ZBTB44: variants seen among roughly 807,000 people sequenced by gnomAD.
ZBTB44 encodes the protein zinc finger and BTB domain-containing protein 44.
A neutral mutation model predicts 54.0 loss-of-function variants in ZBTB44; 15 were observed. The ratio of observed to expected loss-of-function variants is 0.28; its 90% confidence interval spans 0.19 to 0.43. ZBTB44 has a LOEUF of 0.43. ZBTB44 is among the 20% of genes least tolerant of loss of function. The probability of loss-of-function intolerance (pLI) is 1.00; values close to 1 mark genes in which losing one functional copy is unlikely to be tolerated. For missense variants in ZBTB44, 487 were observed against 707.1 expected, an observed-to-expected ratio of 0.69 and a Z score of 3.53; for synonymous variants, 230 against 250.1, an observed-to-expected ratio of 0.92 and a Z score of 0.76.
At chr11:130,249,801 GC>G (rs1437408445) in intron 2 of ZBTB44, among the ~76,000 whole-genome samples, 1 of 152,190 alleles carries the variant, frequency 6.6e-6, no homozygotes, top group African/African-American at 2.4e-5. Context: ...CATCACTAGG[GC>G]CCCGGGTTTC....
At chr11:130,311,829 C>T (rs79121376) in intron 1 of ZBTB44, among the ~76,000 whole-genome samples, 9,525 of 152,138 alleles carry the variant, frequency 0.063, 740 homozygotes, top group African/African-American at 0.18. Flanking sequence ...TGGAGTAACT[C>T]GTGTCAGAAA....
chr11:130,233,620 T>C, intron 6 of ZBTB44: 1 of 1,274,464 alleles, frequency 7.8e-7, no homozygotes, highest in Non-Finnish European at 9.9e-7. Context: ...GTTTAGTAAT[T>C]AGTTTCTCAT....
intron 1 of ZBTB44, among the ~76,000 whole-genome samples, chr11:130,281,349 GTCTCCACAAAAAA>G (rs1254999014): frequency 3.3e-5 from 5 of 151,778 alleles, no homozygotes; most frequent in Admixed American, 6.6e-5. Flanking sequence ...GTGAGACCCT[GTCTCCACAAAAAA>G]TACAAAAATT....
In ZBTB44 at chr11:130,230,119, T is replaced by A. The variant is rs915054725; in HGVS notation, c.*1645A>T. 2.0e-5 allele frequency: 3 copies of A among 152,100 alleles called. No homozygotes were observed. Among genetic ancestry groups the A allele is most frequent in the African/African-American group, 7.2e-5 (3 of 41,458 alleles). 9.4% of individuals were successfully genotyped at this position (152,100 alleles called of 1,614,324 possible). The stretch of plus-strand genomic sequence containing the variant: ...AATTGCCACATTATACAGTAATGTA[T>A]TTTTCAAGGACTATTAAAGCTAAAA... On this transcript the variant is annotated 3_prime_UTR_variant, in exon 8 of 8. Coordinates refer to ENST00000357899, the MANE Select transcript of ZBTB44 (RefSeq NM_001301098.2).
At chr11:130,298,044 CAA>C (rs1941758336) in intron 1 of ZBTB44, among the ~76,000 whole-genome samples, 1 of 151,604 alleles carries the variant, frequency 6.6e-6, no homozygotes, top group African/African-American at 2.4e-5. Context: ...AGACTTAAGA[CAA>C]AGTATTATCA....
At chr11:130,300,786 C>T (rs1241463265) in intron 1 of ZBTB44, among the ~76,000 whole-genome samples, 2 of 151,982 alleles carry the variant, frequency 1.3e-5, no homozygotes, top group Non-Finnish European at 2.9e-5. Context: ...GAATTAGAAG[C>T]AAGATTGCCA....
chr11:130,292,042 C>T (rs1261157009), intron 1 of ZBTB44, among the ~76,000 whole-genome samples: 1 of 151,994 alleles, frequency 6.6e-6, no homozygotes, highest in Non-Finnish European at 1.5e-5. Flanking sequence ...TTTTTTCTGG[C>T]TTCTTTCATG....
rs1256499954 is a variant in ZBTB44 at position 130,229,141 on chromosome 11, A to T, written c.*2623T>A. ...CAATTTTTCAGATACTGCCAAACCGAGATACCAATAACATCTGAAATCTTT... is the reference window on the plus strand; with the variant it reads ...CAATTTTTCAGATACTGCCAAACCGTGATACCAATAACATCTGAAATCTTT... On this transcript the variant is annotated 3_prime_UTR_variant, in exon 8 of 8. Coordinates refer to ENST00000357899, the MANE Select transcript of ZBTB44 (RefSeq NM_001301098.2). The T allele has an allele frequency of 1.3e-5, 2 of 152,192 alleles. No individual in the cohort carries two copies. The highest frequency in any genetic ancestry group is 2.9e-5 in the Non-Finnish European group (2 of 68,028). The allele number at this position is 152,192 out of a possible 1,614,324, so 9.4% of individuals were successfully genotyped here. A position where few individuals can be genotyped will look rare whatever the true frequency, so the allele number is the denominator to read the frequency against.
chr11:130,291,593 T>C (rs1324390274), intron 1 of ZBTB44, among the ~76,000 whole-genome samples: 1 of 152,146 alleles, frequency 6.6e-6, no homozygotes, highest in Non-Finnish European at 1.5e-5. Context: ...TTAAATCCTA[T>C]CCTCATTTTA....
At chr11:130,313,934 G>C (rs1415734120) in intron 1 of ZBTB44, among the ~76,000 whole-genome samples, 1 of 94,706 alleles carries the variant, frequency 1.1e-5, no homozygotes, top group Non-Finnish European at 2.1e-5. Flanking sequence ...ATGTGTGTGT[G>C]TGTTTGTGTG....
chr11:130,252,643 G>C (rs1376796745), intron 2 of ZBTB44, among the ~76,000 whole-genome samples: 1 of 152,040 alleles, frequency 6.6e-6, no homozygotes, highest in South Asian at 2.1e-4. Context: ...GAGGTACAAA[G>C]AGGAGCTGGT....
chr11:130,272,997 T>C (rs1295902049), intron 1 of ZBTB44, among the ~76,000 whole-genome samples: 1 of 152,220 alleles, frequency 6.6e-6, no homozygotes, highest in African/African-American at 2.4e-5. Context: ...TCCTCTTATT[T>C]TGTCCTTTTT....
intron 2 of ZBTB44, among the ~76,000 whole-genome samples, chr11:130,242,874 G>C (rs898599301): frequency 1.3e-5 from 2 of 152,086 alleles, no homozygotes; most frequent in African/African-American, 4.8e-5. Context: ...ACCTACATTT[G>C]TTGTCTTCCG....
At chr11:130,296,530 C>A in intron 1 of ZBTB44, 2 of 888,068 alleles carry the variant, frequency 2.3e-6, no homozygotes, top group Non-Finnish European at 3.6e-6. Context: ...CTCAAGTCAA[C>A]TGGATTGTTC....
intron 1 of ZBTB44, among the ~76,000 whole-genome samples, chr11:130,272,782 A>G (rs985819280): frequency 2.7e-5 from 4 of 150,906 alleles, no homozygotes; most frequent in African/African-American, 7.3e-5. Context: ...TTTTGCATGT[A>G]GCTATTTAGT....
intron 1 of ZBTB44, among the ~76,000 whole-genome samples, chr11:130,289,350 G>A (rs1429697002): frequency 5.3e-5 from 8 of 151,982 alleles, no homozygotes; most frequent in Non-Finnish European, 4.4e-5. Context: ...AGGCACAGTG[G>A]CGCATGCCTG....
chr11:130,286,964 C>T (rs1941003924), intron 1 of ZBTB44, among the ~76,000 whole-genome samples: 1 of 152,196 alleles, frequency 6.6e-6, no homozygotes, highest in African/African-American at 2.4e-5. Context: ...GACTCTACCA[C>T]CTTTGACTAA....
Position 130,314,751 on chromosome 11 carries a change from GC to G in ZBTB44, c.-434del. ...CGGTTGTTTGGGGAGCGCGGCGACG[GC>G]TCGCGTGTTCCCAGCGGGGCGGGGT... On this transcript the variant is annotated 5_prime_UTR_variant, in exon 1 of 8. Transcript: ENST00000357899. The G allele has an allele frequency of 6.7e-6, 1 of 149,026 alleles. No homozygotes were observed. Among genetic ancestry groups the G allele is most frequent in the East Asian group, 2.0e-4 (1 of 4,886 alleles). 9.2% of individuals were successfully genotyped at this position (149,026 alleles called of 1,614,324 possible). A position where few individuals can be genotyped will look rare whatever the true frequency, so the allele number is the denominator to read the frequency against.
intron 5 of ZBTB44, 65 bp from the exon 6 acceptor site, chr11:130,234,338 TA>T: frequency 7.0e-7 from 1 of 1,425,688 alleles, no homozygotes; most frequent in Non-Finnish European, 9.3e-7. Flanking sequence ...TAAGCAACAG[TA>T]AAAAGCTCTG....
Sources: gnomAD v4.1 joint callset for allele counts (sites outside exome capture counted in the v4.1 genomes callset) on GRCh38, gnomAD v4.1.1 for gene constraint, MANE v1.5 for transcripts, NCBI Gene and HGNC (gene_info 2026-07-23, HGNC 2026-07-21) for gene names.